CENPP: variants seen among roughly 807,000 people sequenced by gnomAD.
The protein encoded by CENPP is centromere protein P.
Under a neutral mutation model 35.6 loss-of-function variants are expected in CENPP, and 24 were observed. That is an observed-to-expected ratio of 0.67 (90% CI 0.49 to 0.95). The LOEUF is 0.95. CENPP is among the 40% of genes least tolerant of loss of function. The pLI, the probability that CENPP is intolerant of heterozygous loss-of-function variation, is 0.00. For missense variants in CENPP, 332 were observed against 345.3 expected, an observed-to-expected ratio of 0.96 and a Z score of 0.31; for synonymous variants, 120 against 125.5, an observed-to-expected ratio of 0.96 and a Z score of 0.29.
At chr9:92,545,886 G>C (rs1849431196) in intron 5 of CENPP, among the ~76,000 whole-genome samples, 1 of 151,732 alleles carries the variant, frequency 6.6e-6, no homozygotes, top group Non-Finnish European at 1.5e-5. Context: ...GTGTCTAGCT[G>C]ATCTGGTGGG....
chr9:92,494,884 C>T (rs1336230971), intron 5 of CENPP, among the ~76,000 whole-genome samples: 6 of 151,924 alleles, frequency 3.9e-5, no homozygotes, highest in East Asian at 1.9e-4. Context: ...TCCAGCCTGG[C>T]GACAGAGTGA....
intron 5 of CENPP, among the ~76,000 whole-genome samples, chr9:92,497,220 A>T (rs1269475381): frequency 6.6e-6 from 1 of 152,242 alleles, no homozygotes; most frequent in African/African-American, 2.4e-5. Flanking sequence ...ATGTCTATCA[A>T]TACGGAACTG....
At chr9:92,527,288 G>A (rs1848472596) in intron 5 of CENPP, among the ~76,000 whole-genome samples, 1 of 152,144 alleles carries the variant, frequency 6.6e-6, no homozygotes, top group Non-Finnish European at 1.5e-5. Flanking sequence ...TAGGATTACA[G>A]GCATGAGCCC....
chr9:92,378,404 T>C (rs1163772986), intron 4 of CENPP, among the ~76,000 whole-genome samples: 2 of 152,218 alleles, frequency 1.3e-5, no homozygotes, highest in Admixed American at 1.3e-4. Flanking sequence ...TTGGTAATTC[T>C]GGGTTGCAGT....
intron 5 of CENPP, chr9:92,502,802 GTCTT>G: frequency 5.2e-6 from 2 of 384,810 alleles, no homozygotes; most frequent in African/African-American, 2.7e-5. Flanking sequence ...TTTTTAAGTT[GTCTT>G]TTTTTTTTTT....
At chr9:92,522,126 G>A (rs964444302) in intron 5 of CENPP, among the ~76,000 whole-genome samples, 8 of 151,906 alleles carry the variant, frequency 5.3e-5, no homozygotes, top group Admixed American at 2.0e-4. Flanking sequence ...TTGCTCTGTC[G>A]CCCAGGCTGG....
intron 5 of CENPP, among the ~76,000 whole-genome samples, chr9:92,483,987 A>G (rs1355432227): frequency 6.6e-6 from 1 of 152,170 alleles, no homozygotes; most frequent in African/African-American, 2.4e-5. Context: ...TCAGTTGCAA[A>G]TGTATCTGTT....
At chr9:92,471,608 A>T (rs1845518462) in intron 5 of CENPP, among the ~76,000 whole-genome samples, 1 of 151,898 alleles carries the variant, frequency 6.6e-6, no homozygotes, top group Non-Finnish European at 1.5e-5. Flanking sequence ...TAAGTAATTA[A>T]CTTCTCTAAT....
At chr9:92,594,131 T>C (rs1385862742) in intron 5 of CENPP, among the ~76,000 whole-genome samples, 1 of 152,222 alleles carries the variant, frequency 6.6e-6, no homozygotes, top group African/African-American at 2.4e-5. Context: ...CTGTATTGTC[T>C]TTGCAATTTT....
At chr9:92,571,669 T>G (rs10992370) in intron 5 of CENPP, among the ~76,000 whole-genome samples, 101,128 of 151,976 alleles carry the variant, frequency 0.67, 35,336 homozygotes, top group African/African-American at 0.89. Flanking sequence ...TGTCTAATGT[T>G]GATAGTGGGG....
chr9:92,464,242 G>A (rs1007258861), intron 5 of CENPP, among the ~76,000 whole-genome samples: 1 of 152,186 alleles, frequency 6.6e-6, no homozygotes, highest in African/African-American at 2.4e-5. Context: ...GGAAGTAATG[G>A]GTTAGAACAC....
intron 4 of CENPP, among the ~76,000 whole-genome samples, chr9:92,349,409 A>ATTTTTTTTTTTTTT (rs1170639289): frequency 7.3e-6 from 1 of 136,084 alleles, no homozygotes; most frequent in African/African-American, 2.7e-5. Flanking sequence ...TTTTTTTTTT[A>ATTTTTTTTTTTTTT]TTTTTTTTTT....
intron 5 of CENPP, among the ~76,000 whole-genome samples, chr9:92,544,023 ATTTC>A (rs1849373864): frequency 6.6e-6 from 1 of 152,056 alleles, no homozygotes; most frequent in Non-Finnish European, 1.5e-5. Context: ...GATATTTTTT[ATTTC>A]TTTCTCTTAT....
intron 5 of CENPP, among the ~76,000 whole-genome samples, chr9:92,567,924 T>C (rs1047173882): frequency 3.3e-5 from 5 of 151,920 alleles, no homozygotes; most frequent in African/African-American, 1.2e-4. Context: ...GAAAAGGTAA[T>C]ACAGGAAATG....
chr9:92,377,382 G>A (rs1842148054), intron 4 of CENPP, among the ~76,000 whole-genome samples: 1 of 152,084 alleles, frequency 6.6e-6, no homozygotes. Flanking sequence ...TTTTACTTGG[G>A]AACCAAGTCA....
At chr9:92,546,315 C>G (rs369870194) in intron 5 of CENPP, among the ~76,000 whole-genome samples, 1 of 152,212 alleles carries the variant, frequency 6.6e-6, no homozygotes, top group Non-Finnish European at 1.5e-5. Flanking sequence ...CAAGCTAGCC[C>G]TGACAACCCA....
At chr9:92,596,997 G>C (rs1162941249) in intron 5 of CENPP, among the ~76,000 whole-genome samples, 1 of 152,074 alleles carries the variant, frequency 6.6e-6, no homozygotes, top group Admixed American at 6.6e-5. Context: ...TACCATCAAA[G>C]TCAGTTGCCA....
intron 5 of CENPP, among the ~76,000 whole-genome samples, chr9:92,560,344 C>T (rs778786379): frequency 3.9e-5 from 6 of 152,128 alleles, no homozygotes; most frequent in South Asian, 4.1e-4. Context: ...AACTTAGTCA[C>T]GAATCCCTTG....
intron 5 of CENPP, chr9:92,501,064 G>A (rs1564357160): frequency 6.2e-7 from 1 of 1,606,074 alleles, no homozygotes; most frequent in Admixed American, 1.7e-5. Flanking sequence ...CTGCAGCAAA[G>A]AAAAAAGTAA....
Sources: gnomAD v4.1 joint callset for allele counts (sites outside exome capture counted in the v4.1 genomes callset) on GRCh38, gnomAD v4.1.1 for gene constraint, MANE v1.5 for transcripts, NCBI Gene and HGNC (gene_info 2026-07-23, HGNC 2026-07-21) for gene names.